PLCXD3: variants seen among roughly 807,000 people sequenced by gnomAD.
The protein encoded by PLCXD3 is phosphatidylinositol specific phospholipase C X domain containing 3.
Under a neutral mutation model 25.5 loss-of-function variants are expected in PLCXD3, and 19 were observed. That is an observed-to-expected ratio of 0.75 (90% CI 0.52 to 1.09). The LOEUF (loss-of-function observed/expected upper bound fraction) is 1.09. Ranked by LOEUF, PLCXD3 falls within the 50% of genes least tolerant of loss-of-function variation. The pLI is 0.00. For synonymous variants in PLCXD3, 174 were observed against 137.6 expected, an observed-to-expected ratio of 1.26 and a Z score of -1.85; for missense variants, 411 against 388.1, an observed-to-expected ratio of 1.06 and a Z score of -0.50.
intron 1 of PLCXD3, among the ~76,000 whole-genome samples, chr5:41,448,213 C>T (rs1303601586): frequency 6.6e-6 from 1 of 152,192 alleles, no homozygotes; most frequent in African/African-American, 2.4e-5. Context: ...CCCACCTCTC[C>T]CATCATTCCT....
chr5:41,338,032 G>C (rs1171798618), intron 2 of PLCXD3, among the ~76,000 whole-genome samples: 1 of 152,102 alleles, frequency 6.6e-6, no homozygotes, highest in Non-Finnish European at 1.5e-5. Context: ...TCAAGCCATA[G>C]AGGTGCCACA....
At chr5:41,402,315 A>G (rs2150500074) in intron 1 of PLCXD3, among the ~76,000 whole-genome samples, 1 of 151,754 alleles carries the variant, frequency 6.6e-6, no homozygotes, top group Non-Finnish European at 1.5e-5. Flanking sequence ...TTATTTTATA[A>G]TTTTCCCTCT....
At position 41,382,512 on chromosome 5, in the gene PLCXD3, G is replaced by A. The variant is rs574959781; in HGVS notation, c.126C>T (p.Phe42=). Residue 42 remains phenylalanine (F), a synonymous_variant, in exon 2 of 3, where the codon TTC becomes TTT. Coordinates refer to ENST00000377801, the MANE Select transcript of PLCXD3 (RefSeq NM_001005473.3). ...AIPGSHDSFS[F]YIDEASPVGP... is the part of the protein sequence containing the mutation. Reference sequence around the variant, plus strand: ...CTACTGGAGAGGCTTCATCAATGTAGAAGCTGAAGGAATCATGAGACCCTA... The same window carrying A: ...CTACTGGAGAGGCTTCATCAATGTAAAAGCTGAAGGAATCATGAGACCCTA... The A allele has an allele frequency of 1.3e-6, 2 of 1,599,198 alleles. No individual in the cohort carries two copies. Among genetic ancestry groups the A allele is most frequent in the African/African-American group, 1.3e-5 (1 of 74,626 alleles).
chr5:41,409,256 A>C (rs1746447441), intron 1 of PLCXD3, among the ~76,000 whole-genome samples: 1 of 152,172 alleles, frequency 6.6e-6, no homozygotes, highest in Non-Finnish European at 1.5e-5. Flanking sequence ...GATTATCGGG[A>C]GCCTTGAGCA....
intron 2 of PLCXD3, among the ~76,000 whole-genome samples, chr5:41,362,303 T>C (rs372268942): frequency 1.3e-5 from 2 of 152,282 alleles, no homozygotes; most frequent in East Asian, 3.9e-4. Flanking sequence ...AATGGAGTGA[T>C]GTGTAGGGGG....
At chr5:41,313,987 C>T (rs978220479) in intron 2 of PLCXD3, among the ~76,000 whole-genome samples, 1 of 152,154 alleles carries the variant, frequency 6.6e-6, no homozygotes, top group African/African-American at 2.4e-5. Flanking sequence ...TATTGGAGTT[C>T]TCATCTCGGC....
rs183386200 is a variant in PLCXD3, at chr5:41,423,922, C to A, written c.104-41388G>T. Among the ~76,000 whole-genome samples the A allele has an allele frequency of 2.7e-3, 418 of 152,294 alleles. 4 individuals carry two copies. The highest frequency in any genetic ancestry group is 9.6e-3 in the African/African-American group (398 of 41,572). ...CACAAACTAATTAAAATACCCATCACCTCACATAGTTACCATTATCTTTCT... is the reference window on the plus strand; with the variant it reads ...CACAAACTAATTAAAATACCCATCAACTCACATAGTTACCATTATCTTTCT... On this transcript the variant is annotated intron_variant, in intron 1 of 2. Coordinates refer to ENST00000377801, the MANE Select transcript of PLCXD3 (RefSeq NM_001005473.3).
Position 41,382,323 on chromosome 5 carries a change from G to T in PLCXD3, c.315C>A (p.Asp105Glu). Residue 105 changes from aspartate to glutamate, a missense_variant, in exon 2 of 3, where the codon GAC becomes GAA. Physicochemically the swap from Asp to Glu is conservative, Grantham distance 45. Coordinates refer to ENST00000377801, the MANE Select transcript of PLCXD3 (RefSeq NM_001005473.3). ...FDLRISTKPR[D>E]PDNELYFAHG... is the part of the protein sequence containing the mutation. ...GAGCAAAATAGAGTTCATTGTCGGG[G>T]TCTCTGGGCTTGGTGGAAATTCGAA... The T allele has an allele frequency of 6.2e-7, 1 of 1,613,516 alleles. No homozygotes were observed. Among genetic ancestry groups the T allele is most frequent in the East Asian group, 2.2e-5 (1 of 44,818 alleles).
chr5:41,359,723 TTCTGC>T (rs1744721349), intron 2 of PLCXD3, among the ~76,000 whole-genome samples: 1 of 152,182 alleles, frequency 6.6e-6, no homozygotes, highest in South Asian at 2.1e-4. Flanking sequence ...TTTCATTTAG[TTCTGC>T]TCTGATCTTG....
At chr5:41,379,452 A>C (rs997450973) in intron 2 of PLCXD3, among the ~76,000 whole-genome samples, 8 of 152,116 alleles carry the variant, frequency 5.3e-5, no homozygotes, top group Non-Finnish European at 7.4e-5. Flanking sequence ...AGAGGTGACT[A>C]GTTAGGCAAA....
Position 41,311,536 on chromosome 5 carries a change from T to C in PLCXD3, c.*2081A>G, listed in dbSNP as rs1396014678. 1.3e-5 allele frequency: 2 copies of C among 152,164 alleles called. No individual in the cohort carries two copies. Among genetic ancestry groups the C allele is most frequent in the African/African-American group, 2.4e-5 (1 of 41,444 alleles). The allele number at this position is 152,164 out of a possible 1,614,324, so 9.4% of individuals were successfully genotyped here. A position where few individuals can be genotyped will look rare whatever the true frequency, so the allele number is the denominator to read the frequency against. On this transcript the variant is annotated 3_prime_UTR_variant, in exon 3 of 3. Transcript: ENST00000377801. ...GAATTGTACTGTGTCCATATCTGTG[T>C]GTGTTTCTGTATGTTTGAATTTGTA...
At chr5:41,447,519 C>A (rs1447894627) in intron 1 of PLCXD3, among the ~76,000 whole-genome samples, 1 of 152,100 alleles carries the variant, frequency 6.6e-6, no homozygotes, top group Non-Finnish European at 1.5e-5. Flanking sequence ...GAGACAGAAC[C>A]AGTACACTCA....
intron 1 of PLCXD3, among the ~76,000 whole-genome samples, chr5:41,437,012 T>C (rs1747270518): frequency 6.6e-6 from 1 of 152,166 alleles, no homozygotes; most frequent in East Asian, 1.9e-4. Context: ...TCTCATGGGG[T>C]TAGAGAGGAG....
rs77266328 is a variant in PLCXD3, at chr5:41,507,728, A to G, written c.103+2696T>C. Among the ~76,000 whole-genome samples, 67 of 152,356 alleles carry G rather than the reference A, an allele frequency of 4.4e-4. 1 individual carries two copies. In the East Asian group the frequency reaches 7.3e-3, roughly 17 times the overall value. ...CCTGAAGCTTTGAGGATGACTGAGCAGCAGTTTCCCTCAACAGAAACACTT... is the reference window on the plus strand; with the variant it reads ...CCTGAAGCTTTGAGGATGACTGAGCGGCAGTTTCCCTCAACAGAAACACTT... On this transcript the variant is annotated intron_variant, in intron 1 of 2. Coordinates refer to ENST00000377801, the MANE Select transcript of PLCXD3 (RefSeq NM_001005473.3).
At chr5:41,341,747 C>T (rs1170838741) in intron 2 of PLCXD3, among the ~76,000 whole-genome samples, 1 of 152,002 alleles carries the variant, frequency 6.6e-6, no homozygotes, top group Non-Finnish European at 1.5e-5. Context: ...CTTATTTTTA[C>T]ATCTCTTGGA....
intron 1 of PLCXD3, among the ~76,000 whole-genome samples, chr5:41,435,664 T>A (rs1340551430): frequency 6.6e-6 from 1 of 152,238 alleles, no homozygotes; most frequent in Non-Finnish European, 1.5e-5. Flanking sequence ...GTGGATTTGA[T>A]AGAACTTCCC....
rs113250111 is a variant in PLCXD3, at chr5:41,486,412, C to T, written c.103+24012G>A. Among the ~76,000 whole-genome samples, 14 of 152,200 alleles carry T rather than the reference C, an allele frequency of 9.2e-5. 2 individuals carry two copies. The highest frequency in any genetic ancestry group is 3.1e-4 in the African/African-American group (13 of 41,550). ...AGATTCTATCACTCTCTCTGGGTAC[C>T]TCATGTCTGCCCCTCCCACAACAGT... On this transcript the variant is annotated intron_variant, in intron 1 of 2. Coordinates refer to ENST00000377801, the MANE Select transcript of PLCXD3 (RefSeq NM_001005473.3).
chr5:41,457,687 AC>A (rs748307360), intron 1 of PLCXD3, among the ~76,000 whole-genome samples: 21 of 151,980 alleles, frequency 1.4e-4, no homozygotes, highest in Non-Finnish European at 2.7e-4. Flanking sequence ...AACCCCTTTC[AC>A]CTGCTTTGTT....
intron 1 of PLCXD3, among the ~76,000 whole-genome samples, chr5:41,502,540 A>G (rs1390559031): frequency 1.3e-5 from 2 of 152,182 alleles, no homozygotes; most frequent in Non-Finnish European, 2.9e-5. Context: ...GAAGGTGTTG[A>G]TTTGAGAATC....
Sources: allele counts gnomAD v4.1 joint callset (sites outside exome capture counted in the v4.1 genomes callset), GRCh38; gene constraint gnomAD v4.1.1; transcripts MANE v1.5; gene names NCBI Gene and HGNC (gene_info 2026-07-23, HGNC 2026-07-21).